Variants in SEC31A observed in about 807,000 individuals in gnomAD.
SEC31A encodes SEC31 homolog A, COPII component, also known as protein transport protein Sec31A.
A neutral mutation model predicts 151.0 loss-of-function variants in SEC31A; 70 were observed. The ratio of observed to expected loss-of-function variants is 0.46; its 90% CI spans 0.38 to 0.57. SEC31A has a LOEUF of 0.57. Among genes scored for constraint, SEC31A ranks in the 20% least tolerant of loss-of-function variants. The pLI is 0.00. For missense variants in SEC31A, 1,330 were observed against 1,471.2 expected, an observed-to-expected ratio of 0.90 and a Z score of 1.57; for synonymous variants, 475 against 505.9, an observed-to-expected ratio of 0.94 and a Z score of 0.82.
intron 14 of SEC31A, among the ~76,000 whole-genome samples, chr4:82,860,733 C>T (rs1165328823): frequency 6.6e-6 from 1 of 152,076 alleles, no homozygotes; most frequent in African/African-American, 2.4e-5. Flanking sequence ...CCTTGGCCTC[C>T]CAAAGTGCTG....
intron 20 of SEC31A, among the ~76,000 whole-genome samples, chr4:82,846,148 C>T (rs569561043): frequency 2.6e-5 from 4 of 151,978 alleles, no homozygotes; most frequent in African/African-American, 4.8e-5. Context: ...GGACTACAGG[C>T]GCCTGCCACC....
At chr4:82,875,420 A>G (rs1737690382) in intron 5 of SEC31A, among the ~76,000 whole-genome samples, 1 of 152,240 alleles carries the variant, frequency 6.6e-6, no homozygotes, top group Non-Finnish European at 1.5e-5. Flanking sequence ...ACAAAGAACA[A>G]AAATAATTAT....
intron 6 of SEC31A, 40 bp from the exon 7 acceptor site, chr4:82,872,126 C>T (rs1736822658): frequency 6.5e-7 from 1 of 1,528,132 alleles, no homozygotes; most frequent in South Asian, 1.1e-5. Context: ...AATCAAATTA[C>T]TTTATGAAAA....
At chr4:82,849,047 T>G in intron 19 of SEC31A, 70 bp from the exon 20 acceptor site, 1 of 1,344,260 alleles carries the variant, frequency 7.4e-7, no homozygotes, top group Non-Finnish European at 1.0e-6. Flanking sequence ...GTTAATTTTC[T>G]TAATCAGATT....
chr4:82,834,703 T>C (rs1726799956), intron 22 of SEC31A, among the ~76,000 whole-genome samples: 1 of 152,198 alleles, frequency 6.6e-6, no homozygotes. Context: ...CCATGTGTTT[T>C]AGCAGAACCC....
At chr4:82,890,185 G>T (rs529164845) in intron 1 of SEC31A, among the ~76,000 whole-genome samples, 50 of 119,474 alleles carry the variant, frequency 4.2e-4, no homozygotes, top group Admixed American at 1.1e-3. Context: ...CTGGGTGACA[G>T]AGCGAGACTC....
chr4:82,858,505 C>G (rs1358983401), intron 14 of SEC31A, among the ~76,000 whole-genome samples: 1 of 128,552 alleles, frequency 7.8e-6, no homozygotes, highest in African/African-American at 2.9e-5. Flanking sequence ...GATTGCGCCA[C>G]TGCACTCCAG....
At position 82,872,224 on chromosome 4, in the gene SEC31A, G is replaced by A. The variant is rs1578333034; in HGVS notation, c.640-138C>T. The A allele has an allele frequency of 2.1e-5, 15 of 699,124 alleles. No homozygotes were observed. The East Asian group carries it at 4.2e-4, about 20-fold the overall frequency. 43.3% of individuals were successfully genotyped at this position (699,124 alleles called of 1,614,324 possible). A position where few individuals can be genotyped will look rare whatever the true frequency, so the allele number is the denominator to read the frequency against. ...TTATTTTATTTATGATCTATTTATTGTCAGCCAGGCTGGAGTGCAGTAGCG... is the reference window on the plus strand; with the variant it reads ...TTATTTTATTTATGATCTATTTATTATCAGCCAGGCTGGAGTGCAGTAGCG... On this transcript the variant is annotated intron_variant, in intron 6 of 26. Coordinates refer to ENST00000395310, the MANE Select transcript of SEC31A (RefSeq NM_001077207.4).
At position 82,856,254 on chromosome 4, in the gene SEC31A, G is replaced by C. The variant is rs547561978; in HGVS notation, c.1881+698C>G. On this transcript the variant is annotated intron_variant, in intron 16 of 26. Transcript: ENST00000395310. The stretch of plus-strand genomic sequence containing the variant: ...CATCCTCTGCCTCCAAGGTTCAAGC[G>C]ATTCTCCTGCTTCAGCCTCCCTAGT... Among the ~76,000 whole-genome samples the C allele has an allele frequency of 2.0e-5, 3 of 151,772 alleles. No individual in the cohort carries two copies. In the East Asian group the frequency reaches 5.9e-4, roughly 30 times the overall value.
At chr4:82,891,015 CCA>C in intron 1 of SEC31A, 71 bp downstream of exon 1, 1 of 1,525,640 alleles carries the variant, frequency 6.6e-7, no homozygotes, top group Non-Finnish European at 8.8e-7. Context: ...GGCTGCGGTC[CCA>C]GTTTTGGCCT....
At position 82,874,731 on chromosome 4, in the gene SEC31A, G is replaced by A; in HGVS notation, c.519C>T (p.Cys173=). 2 of 1,608,904 alleles carry A rather than the reference G, an allele frequency of 1.2e-6. No homozygotes were observed. Among genetic ancestry groups the A allele is most frequent in the Non-Finnish European group, 1.7e-6 (2 of 1,179,044 alleles). ...AKTQPPEDIS[C]IAWNRQVQHI... The stretch of plus-strand genomic sequence containing the variant: ...GCTGAACTTGTCTGTTCCATGCAAT[G>A]CAGCTGATATCTTCTGGCGGCTACA... Residue 173 remains cysteine (C), a synonymous_variant, in exon 6 of 27, where the codon TGC becomes TGT. Coordinates refer to ENST00000395310, the MANE Select transcript of SEC31A (RefSeq NM_001077207.4).
At chr4:82,841,541 T>C (rs1472081685) in intron 22 of SEC31A, among the ~76,000 whole-genome samples, 1 of 144,958 alleles carries the variant, frequency 6.9e-6, no homozygotes, top group African/African-American at 2.5e-5. Context: ...CTCAGGAGGC[T>C]GAGGCAGGAG....
chr4:82,835,950 A>G (rs887815726), intron 22 of SEC31A, among the ~76,000 whole-genome samples: 1 of 152,210 alleles, frequency 6.6e-6, no homozygotes, highest in African/African-American at 2.4e-5. Flanking sequence ...ATGTGGAGAA[A>G]CTGAAACACT....
In SEC31A at chr4:82,867,315, A is replaced by AC. The variant is rs757164951; in HGVS notation, c.883dup (p.Val295GlyfsTer4). 6.2e-7 allele frequency: 1 copy of AC among 1,611,478 alleles called. No individual in the cohort carries two copies. The highest frequency in any genetic ancestry group is 1.7e-5 in the Admixed American group (1 of 59,404). On this transcript the variant is annotated frameshift_variant and splice_region_variant, in exon 9 of 27. Transcript: ENST00000395310. LOFTEE classifies it high-confidence loss of function. ...TGTGTTGGTGGGAAGTTCATATAAC[A>AC]CCTAGGCCAACAAAAAACAAACAAC...
At position 82,863,391 on chromosome 4, in the gene SEC31A, A is replaced by G; in HGVS notation, c.1436T>C (p.Val479Ala). Residue 479 changes from valine to alanine, a missense_variant and splice_region_variant, in exon 12 of 27, where the codon GTA (valine) becomes GCA (alanine). Physicochemically the swap from Val to Ala is moderately conservative, Grantham distance 64. Transcript: ENST00000395310. ...TCCACGAGAATCATCCTCAAAGTTT[A>G]CCTTTAAAAAAAAAGACATATTCTT... The part of the protein sequence containing the change: ...FEKNVWSFLK[V>A]NFEDDSRGKY... The G allele has an allele frequency of 6.4e-7, 1 of 1,551,734 alleles. No individual in the cohort carries two copies. The highest frequency in any genetic ancestry group is 2.2e-5 in the Admixed American group (1 of 44,760).
chr4:82,880,295 A>T (rs1738989659), intron 3 of SEC31A, among the ~76,000 whole-genome samples: 1 of 152,214 alleles, frequency 6.6e-6, no homozygotes, highest in East Asian at 1.9e-4. Context: ...TAAAAAAGCC[A>T]ACAGAACATA....
At chr4:82,884,284 C>T (rs115256521) in intron 1 of SEC31A, among the ~76,000 whole-genome samples, 2,309 of 151,976 alleles carry the variant, frequency 0.015, 58 homozygotes, top group African/African-American at 0.053. Flanking sequence ...CCACTGCGCC[C>T]GGCCATCATT....
At chr4:82,889,542 G>A (rs1473585462) in intron 1 of SEC31A, among the ~76,000 whole-genome samples, 3 of 62,784 alleles carry the variant, frequency 4.8e-5, no homozygotes, top group African/African-American at 1.6e-4. Flanking sequence ...GAGGGACCCT[G>A]TCTCAAAAAA....
At chr4:82,875,376 G>C (rs1273998784) in intron 5 of SEC31A, among the ~76,000 whole-genome samples, 2 of 152,146 alleles carry the variant, frequency 1.3e-5, no homozygotes, top group Admixed American at 1.3e-4. Flanking sequence ...TTTTAAGAAG[G>C]TTGGTTGTTG....
Sources: allele counts gnomAD v4.1 joint callset (sites outside exome capture counted in the v4.1 genomes callset), GRCh38; gene constraint gnomAD v4.1.1; transcripts MANE v1.5; gene names NCBI Gene and HGNC (gene_info 2026-07-23, HGNC 2026-07-21).